The following FBXL17 variants were observed in gnomAD, a reference collection of about 807,000 sequenced individuals.
The protein encoded by FBXL17 is F-box/LRR-repeat protein 17.
In FBXL17, 22 loss-of-function variants were observed where a neutral mutation model predicts 66.2. The observed-to-expected ratio is 0.33, with a 90% CI of 0.24 to 0.47. The LOEUF (loss-of-function observed/expected upper bound fraction) is 0.47, where lower values mean the gene tolerates loss of function less well. Among genes scored for constraint, FBXL17 ranks in the 20% least tolerant of loss-of-function variants. FBXL17 has a pLI of 1.00. For missense variants in FBXL17, 878 were observed against 948.2 expected (o/e 0.93, Z 0.97); for synonymous variants, 474 against 400.5 (o/e 1.18, Z -2.19).
chr5:107,937,802 T>C (rs556849438), intron 7 of FBXL17, among the ~76,000 whole-genome samples: 70 of 152,220 alleles, frequency 4.6e-4, no homozygotes, highest in African/African-American at 1.6e-3. Flanking sequence ...ATATTGAGAT[T>C]ACAGGGGTCA....
chr5:107,870,143 A>T (rs1369486298), intron 8 of FBXL17, among the ~76,000 whole-genome samples: 1 of 152,150 alleles, frequency 6.6e-6, no homozygotes, highest in Non-Finnish European at 1.5e-5. Flanking sequence ...CAAAACATAG[A>T]TCAGGTGAGA....
Position 108,020,986 on chromosome 5 carries a change from A to T in FBXL17, c.1761T>A (p.Ile587=). 6.2e-7 allele frequency: 1 copy of T among 1,610,416 alleles called. No individual in the cohort carries two copies. Among genetic ancestry groups the T allele is most frequent in the African/African-American group, 1.3e-5 (1 of 74,866 alleles). The change falls in exon 7 of 9, where the codon ATT becomes ATA. Residue 587 remains isoleucine (I), a synonymous_variant. Coordinates refer to ENST00000542267, the MANE Select transcript of FBXL17 (RefSeq NM_001163315.3). ...WIINDRCVEV[I]AKEGQNLKEL... is the part of the protein sequence containing the mutation. The stretch of plus-strand genomic sequence containing the variant: ...CTTTCAGGTTTTGTCCTTCCTTTGC[A>T]ATGACCTCCACACACCTGAAACATA...
intron 6 of FBXL17, among the ~76,000 whole-genome samples, chr5:108,108,685 C>G (rs158182): frequency 0.66 from 99,574 of 151,934 alleles, 33,599 homozygotes; most frequent in East Asian, 0.92. Context: ...ACACTCCTTA[C>G]AAATCCTGGA....
At chr5:108,142,409 CAA>C (rs1347300374) in intron 6 of FBXL17, among the ~76,000 whole-genome samples, 3 of 152,008 alleles carry the variant, frequency 2.0e-5, no homozygotes, top group Non-Finnish European at 4.4e-5. Context: ...TGTACAGACC[CAA>C]AATAATAGAG....
intron 7 of FBXL17, among the ~76,000 whole-genome samples, chr5:107,962,998 T>A (rs1159771322): frequency 6.6e-6 from 1 of 152,146 alleles, no homozygotes; most frequent in Non-Finnish European, 1.5e-5. Context: ...ACATTTTCAT[T>A]TGAAACTGAA....
At chr5:108,162,875 A>C (rs2150008464) in intron 6 of FBXL17, among the ~76,000 whole-genome samples, 1 of 152,272 alleles carries the variant, frequency 6.6e-6, no homozygotes, top group South Asian at 2.1e-4. Context: ...ATGTGCAGAG[A>C]GGTTTCTGAA....
At chr5:108,194,565 C>T (rs1413859558) in intron 5 of FBXL17, among the ~76,000 whole-genome samples, 1 of 152,128 alleles carries the variant, frequency 6.6e-6, no homozygotes, top group Non-Finnish European at 1.5e-5. Flanking sequence ...CTTCACCCTC[C>T]CTTCCCTGAT....
intron 7 of FBXL17, among the ~76,000 whole-genome samples, chr5:107,965,008 G>A (rs556940451): frequency 1.2e-3 from 187 of 152,182 alleles, no homozygotes; most frequent in African/African-American, 4.3e-3. Flanking sequence ...GCTATAAACA[G>A]AGTGTTTTAC....
intron 7 of FBXL17, among the ~76,000 whole-genome samples, chr5:107,924,064 T>G (rs1288865215): frequency 4.1e-5 from 4 of 98,400 alleles, no homozygotes; most frequent in Non-Finnish European, 7.5e-5. Context: ...CTTAGTGTTT[T>G]TTTTTTTTTT....
At chr5:108,195,800 A>G (rs1044429912) in intron 5 of FBXL17, among the ~76,000 whole-genome samples, 1 of 152,128 alleles carries the variant, frequency 6.6e-6, no homozygotes. Flanking sequence ...AATCAACAGA[A>G]TTTTTTGACA....
At chr5:108,151,655 A>G (rs1323999205) in intron 6 of FBXL17, among the ~76,000 whole-genome samples, 1 of 152,200 alleles carries the variant, frequency 6.6e-6, no homozygotes, top group Non-Finnish European at 1.5e-5. Flanking sequence ...GTACTGACCT[A>G]GGCTCAAATG....
intron 7 of FBXL17, among the ~76,000 whole-genome samples, chr5:107,947,295 T>C (rs772382568): frequency 2.0e-5 from 3 of 152,256 alleles, no homozygotes; most frequent in Non-Finnish European, 4.4e-5. Context: ...TGCCTCTTCC[T>C]TCCTATGGGC....
chr5:107,908,090 A>G (rs527357730), intron 7 of FBXL17, among the ~76,000 whole-genome samples: 79 of 152,332 alleles, frequency 5.2e-4, no homozygotes, highest in African/African-American at 1.8e-3. Context: ...TGTGGCACAT[A>G]TACACCATGG....
intron 5 of FBXL17, 109 bp downstream of exon 5, chr5:108,224,012 G>A (rs951206941): frequency 2.4e-6 from 1 of 421,160 alleles, no homozygotes; most frequent in Non-Finnish European, 4.3e-6. Flanking sequence ...AACATTAGTA[G>A]GCTTCTATAA....
intron 5 of FBXL17, among the ~76,000 whole-genome samples, chr5:108,188,041 T>A (rs1197000430): frequency 1.3e-5 from 2 of 152,222 alleles, no homozygotes; most frequent in African/African-American, 4.8e-5. Flanking sequence ...TTTTATTTAA[T>A]TTTAATTAAT....
At chr5:108,370,712 C>T (rs1443883250) in intron 1 of FBXL17, among the ~76,000 whole-genome samples, 2 of 151,094 alleles carry the variant, frequency 1.3e-5, no homozygotes, top group Non-Finnish European at 2.9e-5. Context: ...CACTGCACTC[C>T]AGCCCGTGCA....
chr5:108,119,158 T>C (rs1750377763), intron 6 of FBXL17, among the ~76,000 whole-genome samples: 1 of 152,194 alleles, frequency 6.6e-6, no homozygotes, highest in South Asian at 2.1e-4. Context: ...TTCAAGAGAA[T>C]GTGACATTCC....
intron 5 of FBXL17, among the ~76,000 whole-genome samples, chr5:108,202,202 T>C (rs1209322645): frequency 6.6e-6 from 1 of 152,182 alleles, no homozygotes; most frequent in African/African-American, 2.4e-5. Context: ...CGACTCACTT[T>C]ATTTGTTAGG....
intron 5 of FBXL17, among the ~76,000 whole-genome samples, chr5:108,220,575 C>T (rs1164432460): frequency 6.6e-6 from 1 of 152,192 alleles, no homozygotes; most frequent in African/African-American, 2.4e-5. Context: ...AGTCCAGTTT[C>T]GTTTTGCTTA....
Sources: gnomAD v4.1 joint callset for allele counts (sites outside exome capture counted in the v4.1 genomes callset) on GRCh38, gnomAD v4.1.1 for gene constraint, MANE v1.5 for transcripts, NCBI Gene and HGNC (gene_info 2026-07-23, HGNC 2026-07-21) for gene names.